Variants in ADAMTS19 observed in about 807,000 individuals in gnomAD.
The protein encoded by ADAMTS19 is ADAM metallopeptidase with thrombospondin type 1 motif 19.
Under a neutral mutation model 153.3 loss-of-function variants are expected in ADAMTS19, and 93 were observed. The observed-to-expected ratio is 0.61, with a 90% CI of 0.51 to 0.72. ADAMTS19 has a LOEUF of 0.72. ADAMTS19 is among the 30% of genes least tolerant of loss of function. ADAMTS19 has a pLI of 0.00. For missense variants in ADAMTS19, 1,482 were observed against 1,552.1 expected, an observed-to-expected ratio of 0.95 and a Z score of 0.76; for synonymous variants, 600 against 556.6, an observed-to-expected ratio of 1.08 and a Z score of -1.10.
intron 18 of ADAMTS19, among the ~76,000 whole-genome samples, chr5:129,684,965 T>A (rs1392980464): frequency 6.8e-6 from 1 of 146,536 alleles, no homozygotes; most frequent in African/African-American, 2.5e-5. Context: ...CCAGCCTCAG[T>A]GGCAAAGCGA....
chr5:129,699,985 G>C (rs940926703), intron 19 of ADAMTS19, among the ~76,000 whole-genome samples: 2 of 152,030 alleles, frequency 1.3e-5, no homozygotes, highest in African/African-American at 2.4e-5. Flanking sequence ...AGCTAATAAG[G>C]TACCTACAAA....
chr5:129,470,928 CT>C (rs1750042468), intron 2 of ADAMTS19, among the ~76,000 whole-genome samples: 1 of 152,120 alleles, frequency 6.6e-6, no homozygotes, highest in Middle Eastern at 3.4e-3. Flanking sequence ...GCCCTCAACT[CT>C]TTTTGTAGTC....
intron 8 of ADAMTS19, among the ~76,000 whole-genome samples, chr5:129,597,205 C>A (rs1750421157): frequency 1.3e-5 from 2 of 152,046 alleles, no homozygotes; most frequent in African/African-American, 4.8e-5. Context: ...ATACAAAACC[C>A]AAAGAGGTAG....
intron 7 of ADAMTS19, among the ~76,000 whole-genome samples, chr5:129,552,752 A>T (rs1228092979): frequency 6.6e-6 from 1 of 152,046 alleles, no homozygotes; most frequent in Non-Finnish European, 1.5e-5. Context: ...GGATATTAGT[A>T]TTTTAAAAGA....
At chr5:129,542,851 A>C (rs565570346) in intron 6 of ADAMTS19, among the ~76,000 whole-genome samples, 7 of 152,274 alleles carry the variant, frequency 4.6e-5, no homozygotes, top group Admixed American at 4.6e-4. Context: ...TTACCAAAAA[A>C]TGCATCTACT....
chr5:129,676,986 G>A (rs947685078), intron 16 of ADAMTS19, among the ~76,000 whole-genome samples: 2 of 151,942 alleles, frequency 1.3e-5, no homozygotes, highest in Non-Finnish European at 2.9e-5. Context: ...CTGAATACAG[G>A]AGAAAAAAAT....
At chr5:129,553,522 T>G (rs1054710504) in intron 7 of ADAMTS19, among the ~76,000 whole-genome samples, 2 of 152,250 alleles carry the variant, frequency 1.3e-5, no homozygotes, top group Admixed American at 1.3e-4. Flanking sequence ...TTTGGCTCTG[T>G]TTGTCCTGTT....
chr5:129,664,983 G>A (rs750042864), intron 15 of ADAMTS19, among the ~76,000 whole-genome samples: 47 of 152,128 alleles, frequency 3.1e-4, no homozygotes, highest in African/African-American at 9.4e-4. Context: ...TTCTGTCTCC[G>A]GCATCGGTTT....
At chr5:129,662,888 ATTT>A (rs3049499) in intron 15 of ADAMTS19, among the ~76,000 whole-genome samples, 28 of 92,888 alleles carry the variant, frequency 3.0e-4, no homozygotes, top group African/African-American at 1.0e-3. Context: ...ATTCTTCTTC[ATTT>A]TTTTTTTTTT....
Position 129,735,032 on chromosome 5 carries a change from C to T in ADAMTS19, c.3413C>T (p.Pro1138Leu). 1 of 1,611,774 alleles carries T rather than the reference C, an allele frequency of 6.2e-7. No individual in the cohort carries two copies. Among genetic ancestry groups the T allele is most frequent in the Non-Finnish European group, 8.5e-7 (1 of 1,178,754 alleles). Residue 1138 changes from proline to leucine, a missense_variant, in exon 22 of 23, where the codon CCT becomes CTT. By Grantham distance (98) the Pro-to-Leu change is moderately conservative (BLOSUM62 -3). Coordinates refer to ENST00000274487, the MANE Select transcript of ADAMTS19 (RefSeq NM_133638.6). ...HGNECFSSEKPAAYRPCHLQP... is the reference protein window; with the variant it reads ...HGNECFSSEKLAAYRPCHLQP... ...AATGAATGTTTTTCCTCAGAAAAAC[C>T]TGCAGCATACAGGCCATGCCATCTT...
chr5:129,588,315 A>C lies in ADAMTS19; in HGVS notation c.1373-8244A>C, dbSNP rs188570533. Among the ~76,000 whole-genome samples, 3 of 152,234 alleles carry C rather than the reference A, an allele frequency of 2.0e-5. No homozygotes were observed. In the East Asian group the frequency reaches 5.8e-4, roughly 29 times the overall value. ...TATTGCAATGCAGTCAGAGAATATT[A>C]CCTCTATGACGTTGTTCTTTGTATA... On this transcript the variant is annotated intron_variant, in intron 7 of 22. Coordinates refer to ENST00000274487, the MANE Select transcript of ADAMTS19 (RefSeq NM_133638.6).
intron 7 of ADAMTS19, among the ~76,000 whole-genome samples, chr5:129,594,392 A>C (rs927532537): frequency 2.0e-5 from 3 of 152,146 alleles, no homozygotes; most frequent in African/African-American, 7.2e-5. Context: ...TGTGGTGAAA[A>C]AAAGTGGCAA....
intron 8 of ADAMTS19, among the ~76,000 whole-genome samples, chr5:129,614,139 C>G (rs1751383598): frequency 6.6e-6 from 1 of 152,098 alleles, no homozygotes; most frequent in Non-Finnish European, 1.5e-5. Context: ...CCTTCTGAAA[C>G]TATTCCAATC....
intron 18 of ADAMTS19, among the ~76,000 whole-genome samples, 177 bp from the exon 19 acceptor site, chr5:129,694,543 C>T (rs1755470679): frequency 6.6e-6 from 1 of 151,780 alleles, no homozygotes; most frequent in South Asian, 2.1e-4. Context: ...CAAATTATCA[C>T]ATATACCCTG....
At chr5:129,660,618 G>A (rs745863057) in intron 15 of ADAMTS19, among the ~76,000 whole-genome samples, 35 of 152,072 alleles carry the variant, frequency 2.3e-4, no homozygotes, top group Admixed American at 5.2e-4. Flanking sequence ...TCTGACTGTA[G>A]TTATGTGAAT....
chr5:129,645,839 A>G (rs1361866684), intron 11 of ADAMTS19, among the ~76,000 whole-genome samples: 1 of 151,634 alleles, frequency 6.6e-6, no homozygotes, highest in Non-Finnish European at 1.5e-5. Context: ...CCTTAAAACA[A>G]GTAAGTAATG....
intron 10 of ADAMTS19, among the ~76,000 whole-genome samples, chr5:129,631,323 C>A (rs59427406): frequency 0.16 from 24,779 of 151,624 alleles, 2,245 homozygotes; most frequent in East Asian, 0.31. Flanking sequence ...TGACAGAATG[C>A]ATTTCCACAG....
intron 8 of ADAMTS19, among the ~76,000 whole-genome samples, chr5:129,611,385 T>C (rs1002038786): frequency 6.6e-6 from 1 of 152,168 alleles, no homozygotes; most frequent in Non-Finnish European, 1.5e-5. Flanking sequence ...CTGAATGGTA[T>C]TGCCTGGGTT....
At chr5:129,488,450 T>C (rs147240935) in intron 2 of ADAMTS19, among the ~76,000 whole-genome samples, 26 of 152,182 alleles carry the variant, frequency 1.7e-4, no homozygotes, top group African/African-American at 6.3e-4. Context: ...GTAATTTGGT[T>C]TTTTCAAATT....
Sources: allele counts gnomAD v4.1 joint callset (sites outside exome capture counted in the v4.1 genomes callset), GRCh38; gene constraint gnomAD v4.1.1; transcripts MANE v1.5; gene names NCBI Gene and HGNC (gene_info 2026-07-23, HGNC 2026-07-21).